KCNAB1: variants seen among roughly 807,000 people sequenced by gnomAD.
The protein encoded by KCNAB1 is voltage-gated potassium channel subunit beta-1.
Under a neutral mutation model 64.6 loss-of-function variants are expected in KCNAB1, and 35 were observed. That is an observed-to-expected ratio of 0.54 (90% CI 0.41 to 0.72). The LOEUF (loss-of-function observed/expected upper bound fraction) is 0.72, where lower values mean the gene tolerates loss of function less well. Among genes scored for constraint, KCNAB1 ranks in the 30% least tolerant of loss-of-function variants. The probability of loss-of-function intolerance (pLI) is 0.00; values close to 1 mark genes in which losing one functional copy is unlikely to be tolerated. For synonymous variants in KCNAB1, 177 were observed against 183.8 expected, an observed-to-expected ratio of 0.96 and a Z score of 0.30; for missense variants, 401 against 512.9, an observed-to-expected ratio of 0.78 and a Z score of 2.11.
chr3:156,283,754 G>T (rs1330376546), intron 1 of KCNAB1, among the ~76,000 whole-genome samples: 1 of 151,764 alleles, frequency 6.6e-6, no homozygotes, highest in Non-Finnish European at 1.5e-5. Context: ...CCAGTTGATC[G>T]CATTGGCTCC....
At chr3:156,301,350 G>A (rs1179146719) in intron 1 of KCNAB1, among the ~76,000 whole-genome samples, 1 of 152,120 alleles carries the variant, frequency 6.6e-6, no homozygotes, top group Non-Finnish European at 1.5e-5. Flanking sequence ...TGAGGCATTT[G>A]AGGAAAATAA....
intron 2 of KCNAB1, among the ~76,000 whole-genome samples, chr3:156,421,924 G>A (rs966096122): frequency 2.6e-5 from 4 of 152,152 alleles, no homozygotes; most frequent in African/African-American, 9.7e-5. Flanking sequence ...AGGGACTCAT[G>A]CGTCACTCCC....
chr3:156,526,061 T>C (rs1718287261), intron 12 of KCNAB1, among the ~76,000 whole-genome samples: 1 of 152,140 alleles, frequency 6.6e-6, no homozygotes, highest in South Asian at 2.1e-4. Flanking sequence ...CCTACACAGG[T>C]ATACCATTTT....
chr3:156,197,447 T>A (rs1394134626), intron 1 of KCNAB1, among the ~76,000 whole-genome samples: 2 of 152,184 alleles, frequency 1.3e-5, no homozygotes, highest in East Asian at 3.8e-4. Context: ...TGGGCTTTTT[T>A]TGGTTGGTAG....
At chr3:156,140,423 C>A (rs4234308) in intron 1 of KCNAB1, among the ~76,000 whole-genome samples, 1 of 151,890 alleles carries the variant, frequency 6.6e-6, no homozygotes. Context: ...TGGTAAGGGC[C>A]CTCTTCCCGG....
intron 1 of KCNAB1, among the ~76,000 whole-genome samples, chr3:156,395,544 C>CAAAAAAAAAAAAAAAAAAAAAAAAAAAA (rs61017269): frequency 3.9e-5 from 1 of 25,446 alleles, no homozygotes; most frequent in African/African-American, 7.7e-5. Context: ...GACTCCGTCT[C>CAAAAAAAAAAAAAAAAAAAAAAAAAAAA]AAAAAAAAAA....
intron 1 of KCNAB1, among the ~76,000 whole-genome samples, chr3:156,196,446 G>T (rs1713952873): frequency 6.6e-6 from 1 of 152,140 alleles, no homozygotes; most frequent in Non-Finnish European, 1.5e-5. Context: ...CATGAGCATG[G>T]AATGTTTTTC....
chr3:156,272,459 A>G (rs751520191), intron 1 of KCNAB1, among the ~76,000 whole-genome samples: 3 of 151,972 alleles, frequency 2.0e-5, no homozygotes, highest in African/African-American at 4.8e-5. Context: ...CCCTTTCCCC[A>G]GGCAGACGAG....
At chr3:156,213,024 G>T (rs564707471) in intron 1 of KCNAB1, among the ~76,000 whole-genome samples, 19 of 152,272 alleles carry the variant, frequency 1.2e-4, no homozygotes, top group African/African-American at 4.3e-4. Context: ...AATAGATTTG[G>T]TGGGACGAGT....
chr3:156,290,744 C>G (rs1404525919), intron 1 of KCNAB1, among the ~76,000 whole-genome samples: 1 of 152,160 alleles, frequency 6.6e-6, no homozygotes. Flanking sequence ...CCTAGTGCAT[C>G]CCCCTCCTGA....
chr3:156,445,654 T>G (rs144755492), intron 2 of KCNAB1, among the ~76,000 whole-genome samples: 1 of 152,220 alleles, frequency 6.6e-6, no homozygotes, highest in African/African-American at 2.4e-5. Context: ...TATTACTCAC[T>G]TACCCTGTGC....
At chr3:156,294,677 A>C (rs1278768044) in intron 1 of KCNAB1, among the ~76,000 whole-genome samples, 1 of 152,238 alleles carries the variant, frequency 6.6e-6, no homozygotes, top group African/African-American at 2.4e-5. Context: ...TTAGGTAAGC[A>C]ATCTGGAGAA....
At chr3:156,299,497 A>ATT (rs1721015944) in intron 1 of KCNAB1, among the ~76,000 whole-genome samples, 1 of 151,010 alleles carries the variant, frequency 6.6e-6, no homozygotes, top group African/African-American at 2.5e-5. Context: ...GATCTACAAA[A>ATT]CCATAGGCAT....
At chr3:156,270,998 G>A (rs1195383239) in intron 1 of KCNAB1, among the ~76,000 whole-genome samples, 4 of 152,150 alleles carry the variant, frequency 2.6e-5, no homozygotes, top group Non-Finnish European at 5.9e-5. Flanking sequence ...CACTTTAAAT[G>A]TGTCATGCCA....
chr3:156,302,960 C>T (rs1721256579), intron 1 of KCNAB1, among the ~76,000 whole-genome samples: 1 of 152,208 alleles, frequency 6.6e-6, no homozygotes, highest in East Asian at 1.9e-4. Flanking sequence ...ATTCCCAGTG[C>T]ATCTGGGAGG....
intron 1 of KCNAB1, among the ~76,000 whole-genome samples, chr3:156,361,061 T>G (rs1399796660): frequency 6.6e-6 from 1 of 152,142 alleles, no homozygotes; most frequent in Non-Finnish European, 1.5e-5. Flanking sequence ...CCCAGTACAC[T>G]CAGAATCAAA....
chr3:156,386,817 G>T (rs1712630510), intron 1 of KCNAB1, among the ~76,000 whole-genome samples: 1 of 152,068 alleles, frequency 6.6e-6, no homozygotes, highest in African/African-American at 2.4e-5. Flanking sequence ...ACCTGATAAT[G>T]GTGACCACCA....
intron 1 of KCNAB1, among the ~76,000 whole-genome samples, chr3:156,132,233 C>T (rs1714038110): frequency 6.6e-6 from 1 of 152,208 alleles, no homozygotes; most frequent in Non-Finnish European, 1.5e-5. Flanking sequence ...CCTGACCTTT[C>T]CTGAGCCACA....
At chr3:156,246,255 C>G (rs1048953788) in intron 1 of KCNAB1, among the ~76,000 whole-genome samples, 3 of 152,114 alleles carry the variant, frequency 2.0e-5, no homozygotes, top group Admixed American at 2.0e-4. Context: ...TACTCAGAAT[C>G]AGGTAGTAGG....
Sources: gnomAD v4.1 joint callset for allele counts (sites outside exome capture counted in the v4.1 genomes callset) on GRCh38, gnomAD v4.1.1 for gene constraint, MANE v1.5 for transcripts, NCBI Gene and HGNC (gene_info 2026-07-23, HGNC 2026-07-21) for gene names.